TPD52L1: variants seen among roughly 807,000 people sequenced by gnomAD.
The protein encoded by TPD52L1 is TPD52 like 1.
A neutral mutation model predicts 28.7 loss-of-function variants in TPD52L1; 18 were observed. That is an observed-to-expected ratio of 0.63 (90% CI 0.43 to 0.93). The LOEUF (loss-of-function observed/expected upper bound fraction) is 0.93. Ranked by LOEUF, TPD52L1 falls within the 40% of genes least tolerant of loss-of-function variation. The pLI is 0.00. For synonymous variants in TPD52L1, 75 were observed against 88.8 expected (o/e 0.84, Z 0.88); for missense variants, 203 against 254.8 (o/e 0.80, Z 1.39).
chr6:125,236,116 A>G (rs1796247708), intron 3 of TPD52L1, among the ~76,000 whole-genome samples: 1 of 152,172 alleles, frequency 6.6e-6, no homozygotes. Flanking sequence ...TAAGATTCAC[A>G]TAACTCTTTT....
At chr6:125,181,504 A>C (rs541776760) in intron 1 of TPD52L1, among the ~76,000 whole-genome samples, 1 of 152,230 alleles carries the variant, frequency 6.6e-6, no homozygotes, top group Non-Finnish European at 1.5e-5. Context: ...CTTAATCAAC[A>C]TCATGGGATT....
intron 3 of TPD52L1, among the ~76,000 whole-genome samples, chr6:125,231,652 C>T (rs77785205): frequency 0.047 from 7,124 of 151,878 alleles, 182 homozygotes; most frequent in East Asian, 0.091. Context: ...TTTGTTTATA[C>T]GACAAAATCA....
intron 3 of TPD52L1, among the ~76,000 whole-genome samples, chr6:125,233,625 T>C (rs3799737): frequency 6.6e-6 from 1 of 152,130 alleles, no homozygotes; most frequent in East Asian, 1.9e-4. Context: ...ATCTTAAATG[T>C]TTTTTTGTAT....
At chr6:125,253,871 T>C (rs1158615454) in intron 5 of TPD52L1, 116 bp downstream of exon 5, 1 of 1,009,384 alleles carries the variant, frequency 9.9e-7, no homozygotes, top group South Asian at 1.3e-5. Flanking sequence ...TTGCTGATGG[T>C]CTTCAAAAGA....
intron 1 of TPD52L1, chr6:125,209,068 C>A (rs745658338): frequency 3.7e-6 from 2 of 545,176 alleles, no homozygotes; most frequent in Non-Finnish European, 4.7e-6. Context: ...GCCTTGATCT[C>A]TGATACTGGC....
intron 3 of TPD52L1, among the ~76,000 whole-genome samples, chr6:125,233,799 A>G (rs921733295): frequency 1.3e-5 from 2 of 152,232 alleles, no homozygotes; most frequent in Admixed American, 6.5e-5. Context: ...AAAACAATTT[A>G]GAAAACAACA....
intron 3 of TPD52L1, among the ~76,000 whole-genome samples, chr6:125,240,680 C>T (rs1292010250): frequency 6.6e-6 from 1 of 151,606 alleles, no homozygotes; most frequent in Non-Finnish European, 1.5e-5. Flanking sequence ...GATTTTGTAT[C>T]CTGAAACTTT....
intron 1 of TPD52L1, among the ~76,000 whole-genome samples, chr6:125,186,327 G>A (rs1043335622): frequency 1.3e-5 from 2 of 152,148 alleles, no homozygotes; most frequent in Admixed American, 1.3e-4. Context: ...AGGAGACTTA[G>A]ACATTGTAAT....
chr6:125,181,745 G>C (rs529557191), intron 1 of TPD52L1, among the ~76,000 whole-genome samples: 3 of 152,304 alleles, frequency 2.0e-5, no homozygotes, highest in Non-Finnish European at 4.4e-5. Flanking sequence ...TGAATATCTA[G>C]GACTTGCCAG....
intron 1 of TPD52L1, among the ~76,000 whole-genome samples, chr6:125,166,451 A>G (rs955320566): frequency 1.3e-5 from 2 of 152,148 alleles, no homozygotes; most frequent in Non-Finnish European, 2.9e-5. Flanking sequence ...CAGGGTTCCA[A>G]CAGGAAGTTA....
chr6:125,194,403 C>A (rs1287905124), intron 1 of TPD52L1, among the ~76,000 whole-genome samples: 1 of 152,154 alleles, frequency 6.6e-6, no homozygotes, highest in African/African-American at 2.4e-5. Context: ...TCCTTAAACA[C>A]ATCTCTTATC....
intron 1 of TPD52L1, among the ~76,000 whole-genome samples, chr6:125,157,062 T>C (rs746513501): frequency 2.0e-5 from 3 of 152,238 alleles, no homozygotes; most frequent in Non-Finnish European, 4.4e-5. Flanking sequence ...TTTTTCTGGC[T>C]AAATGAATGA....
chr6:125,199,545 C>A (rs143790196), intron 1 of TPD52L1, among the ~76,000 whole-genome samples: 1 of 152,076 alleles, frequency 6.6e-6, no homozygotes, highest in Non-Finnish European at 1.5e-5. Context: ...ATTAGCCAGG[C>A]GTGGTGCTAC....
chr6:125,236,150 A>C (rs1796250388), intron 3 of TPD52L1, among the ~76,000 whole-genome samples: 1 of 152,146 alleles, frequency 6.6e-6, no homozygotes, highest in Non-Finnish European at 1.5e-5. Context: ...ATCATCTGTA[A>C]TCTGAAGGGA....
At chr6:125,210,314 A>G (rs1225301758) in intron 1 of TPD52L1, among the ~76,000 whole-genome samples, 3 of 152,236 alleles carry the variant, frequency 2.0e-5, no homozygotes, top group Non-Finnish European at 4.4e-5. Context: ...TGTCCTACCA[A>G]TAACTGACTT....
At chr6:125,258,838 A>G (rs1797751881) in intron 6 of TPD52L1, among the ~76,000 whole-genome samples, 1 of 152,030 alleles carries the variant, frequency 6.6e-6, no homozygotes, top group Admixed American at 6.6e-5. Flanking sequence ...TGCTTGTATG[A>G]CTGTTCATGG....
intron 1 of TPD52L1, among the ~76,000 whole-genome samples, chr6:125,211,823 A>G (rs555031544): frequency 1.2e-4 from 18 of 152,314 alleles, no homozygotes; most frequent in African/African-American, 3.6e-4. Flanking sequence ...CTGATTCAAT[A>G]ATAGGCGAGA....
chr6:125,228,405 G>T (rs1795746831), intron 2 of TPD52L1, among the ~76,000 whole-genome samples: 2 of 152,132 alleles, frequency 1.3e-5, no homozygotes, highest in South Asian at 4.1e-4. Context: ...CTGTTAAAAA[G>T]AAAAATCAAC....
chr6:125,192,678 A>C (rs1793130622), intron 1 of TPD52L1, among the ~76,000 whole-genome samples: 1 of 152,340 alleles, frequency 6.6e-6, no homozygotes, highest in South Asian at 2.1e-4. Flanking sequence ...GAACCAAGAA[A>C]GAAAAGGGAA....
Sources: allele counts gnomAD v4.1 joint callset (sites outside exome capture counted in the v4.1 genomes callset), GRCh38; gene constraint gnomAD v4.1.1; transcripts MANE v1.5; gene names NCBI Gene and HGNC (gene_info 2026-07-23, HGNC 2026-07-21).